The following VWA5A variants were observed in gnomAD, a reference collection of about 807,000 sequenced individuals.
VWA5A encodes the protein von Willebrand factor A domain containing 5A.
A neutral mutation model predicts 84.6 loss-of-function variants in VWA5A; 77 were observed. The ratio of observed to expected loss-of-function variants is 0.91; its 90% CI spans 0.76 to 1.10. VWA5A has a LOEUF of 1.10. Among genes scored for constraint, VWA5A ranks in the 50% least tolerant of loss-of-function variants. The pLI is 0.00. For synonymous variants in VWA5A, 334 were observed against 350.1 expected (o/e 0.95, Z 0.51); for missense variants, 973 against 963.0 (o/e 1.01, Z -0.14).
At position 124,142,455 on chromosome 11, in the gene VWA5A, T is replaced by A. The variant is rs1471496520; in HGVS notation, c.2037T>A (p.Asn679Lys). Residue 679 changes from asparagine to lysine, a missense_variant, in exon 17 of 19, where the codon AAT becomes AAA. Transcript: ENST00000456829. ...KDQHSPGFGE[N>K]HLVQLIYHQN... is the part of the protein sequence containing the mutation. The stretch of plus-strand genomic sequence containing the variant: ...TTCTCCTCAAAGGCTTTGGAGAGAA[T>A]CACCTTGTGCAGCTGATTTACCACC... 1 of 1,614,212 alleles carries A rather than the reference T, an allele frequency of 6.2e-7. No homozygotes were observed. The highest frequency in any genetic ancestry group is 8.5e-7 in the Non-Finnish European group (1 of 1,180,036).
chr11:124,116,792 A>C (rs1178965292), intron 2 of VWA5A, 112 bp downstream of exon 2: 3 of 152,184 alleles, frequency 2.0e-5, no homozygotes, highest in African/African-American at 7.2e-5. Flanking sequence ...AATGTAGGCT[A>C]TGTGCCTATA....
chr11:124,119,010 C>G lies in VWA5A; in HGVS notation c.681C>G (p.Asp227Glu), dbSNP rs140579492. Residue 227 changes from aspartate to glutamate, a missense_variant, in exon 7 of 19, where the codon GAC becomes GAG. Asp to Glu is a conservative substitution (Grantham distance 45, BLOSUM62 2). Transcript: ENST00000456829. ...CTGCTGGACACAAGTTTGATCGGGA[C>G]GTGGAACTCCTGATTTACTACAATG... ...SLAAGHKFDR[D>E]VELLIYYNEV... 6.3e-5 allele frequency: 101 copies of G among 1,614,156 alleles called. No homozygotes were observed. The East Asian group carries it at 2.0e-3, about 32-fold the overall frequency.
chr11:124,117,109 G>A (rs1864843363), intron 2 of VWA5A, among the ~76,000 whole-genome samples: 1 of 152,180 alleles, frequency 6.6e-6, no homozygotes, highest in Admixed American at 6.5e-5. Context: ...ATTCACATAC[G>A]ATGTGTGGAT....
Position 124,134,706 on chromosome 11 carries a change from G to A in VWA5A, c.1245-214G>A, listed in dbSNP as rs1461126438. ...TATCTGCAAAGTGAAGCAGAAGCCT[G>A]CCTTTTAGGGGTCTTGTGATGATTA... On this transcript the variant is annotated intron_variant, in intron 11 of 18. Transcript: ENST00000456829. Among the ~76,000 whole-genome samples, 5 of 152,288 alleles carry A rather than the reference G, an allele frequency of 3.3e-5. No homozygotes were observed. In the East Asian group the frequency reaches 9.6e-4, roughly 29 times the overall value.
At chr11:124,121,957 T>G (rs1372835311) in intron 7 of VWA5A, among the ~76,000 whole-genome samples, 1 of 152,208 alleles carries the variant, frequency 6.6e-6, no homozygotes, top group Non-Finnish European at 1.5e-5. Flanking sequence ...ACATCTGGAT[T>G]GTGTAAATGT....
intron 15 of VWA5A, among the ~76,000 whole-genome samples, chr11:124,140,260 A>G (rs767631540): frequency 1.3e-5 from 2 of 152,160 alleles, no homozygotes; most frequent in Non-Finnish European, 2.9e-5. Flanking sequence ...TTGTTGTTGT[A>G]TCTGGTTTTG....
chr11:124,124,178 T>C, intron 10 of VWA5A, 59 bp from the exon 11 acceptor site: 1 of 1,545,198 alleles, frequency 6.5e-7, no homozygotes, highest in Non-Finnish European at 8.9e-7. Context: ...AAGGGCAAAT[T>C]CTGGTTTCTT....
chr11:124,118,538 T>C lies in VWA5A; in HGVS notation c.475T>C (p.Ser159Pro). Residue 159 changes from serine (S) to proline (P), a missense_variant, in exon 6 of 19, where the codon TCT (serine) becomes CCT (proline). Physicochemically the swap from Ser to Pro is moderately conservative, Grantham distance 74. Coordinates refer to ENST00000456829, the MANE Select transcript of VWA5A (RefSeq NM_001130142.2). ...ACTAAGGTCATCTTTTATAGGGTCG[T>C]CTAAGGACAGTTGCCTTAATGTGAA... The part of the protein sequence containing the change: ...LNPRYQFSGS[S>P]KDSCLNVKTP... The C allele has an allele frequency of 6.2e-7, 1 of 1,614,116 alleles. No homozygotes were observed. Among genetic ancestry groups the C allele is most frequent in the South Asian group, 1.1e-5 (1 of 91,080 alleles).
chr11:124,136,097 T>C, intron 12 of VWA5A, 32 bp from the exon 13 acceptor site: 1 of 1,603,066 alleles, frequency 6.2e-7, no homozygotes, highest in Non-Finnish European at 8.5e-7. Context: ...TCTGTATCAT[T>C]TGTGTTTATT....
In VWA5A at chr11:124,123,784, A is replaced by G. The variant is rs374849640; in HGVS notation, c.1144A>G (p.Ile382Val). The stretch of plus-strand genomic sequence containing the variant: ...CCAGAACATTTACAGGGGACCCTCC[A>G]TCCCAGGCCACCCCCTACAGGTAAG... ...PLQNIYRGPS[I>V]PGHPLQLFVF... The change falls in exon 10 of 19, where the codon ATC (isoleucine) becomes GTC (valine). Residue 382 changes from isoleucine (I) to valine (V), a missense_variant. By Grantham distance (29) the Ile-to-Val change is conservative. Transcript: ENST00000456829. 1.2e-5 allele frequency: 19 copies of G among 1,585,790 alleles called. No homozygotes were observed. The highest frequency in any genetic ancestry group is 1.6e-5 in the Non-Finnish European group (19 of 1,169,014).
chr11:124,120,912 T>A (rs976385870), intron 7 of VWA5A, among the ~76,000 whole-genome samples: 6 of 152,204 alleles, frequency 3.9e-5, no homozygotes, highest in Non-Finnish European at 8.8e-5. Flanking sequence ...CTGGCCCCTA[T>A]GCAGATTTTC....
At chr11:124,145,201 TC>T in intron 17 of VWA5A, 35 bp from the exon 18 acceptor site, 1 of 1,584,588 alleles carries the variant, frequency 6.3e-7, no homozygotes, top group Non-Finnish European at 8.6e-7. Context: ...TTGAGGGACT[TC>T]CTGTGCCAAC....
chr11:124,124,133 A>G (rs1864980166), intron 10 of VWA5A, 104 bp from the exon 11 acceptor site: 9 of 1,099,582 alleles, frequency 8.2e-6, no homozygotes, highest in East Asian at 2.5e-5. Context: ...TTGAAGAGGC[A>G]CCAGAGCCTC....
rs1194733291 is a variant in VWA5A at position 124,125,744 on chromosome 11, A to G, written c.1244+1428A>G. Among the ~76,000 whole-genome samples the G allele has an allele frequency of 2.0e-5, 3 of 152,352 alleles. No individual in the cohort carries two copies. The East Asian group carries it at 5.8e-4, about 29-fold the overall frequency. On this transcript the variant is annotated intron_variant, in intron 11 of 18. Transcript: ENST00000456829. The stretch of plus-strand genomic sequence containing the variant: ...GATTGATTTTCTTATTGATCTATAT[A>G]GTTCATTCTGTAGTCTGGATACAAG...
intron 11 of VWA5A, among the ~76,000 whole-genome samples, chr11:124,125,344 G>A (rs180799864): frequency 1.3e-3 from 195 of 151,236 alleles, no homozygotes; most frequent in Non-Finnish European, 2.3e-3. Flanking sequence ...CTGCAGTGGC[G>A]CTATCTCGGC....
rs1864955646 is a variant in VWA5A, at chr11:124,123,031, A to G, written c.832A>G (p.Thr278Ala). The G allele has an allele frequency of 3.1e-6, 5 of 1,614,172 alleles. No individual in the cohort carries two copies. The highest frequency in any genetic ancestry group is 4.2e-6 in the Non-Finnish European group (5 of 1,180,030). ...PNIPEDQPSN[T>A]CGEFIFLMDR... is the part of the protein sequence containing the mutation. ...TATCCCAGAAGATCAACCATCAAATACCTGTGGAGAGTTTATCTTTCTCAT... is the reference window on the plus strand; with the variant it reads ...TATCCCAGAAGATCAACCATCAAATGCCTGTGGAGAGTTTATCTTTCTCAT... Residue 278 changes from threonine (T) to alanine (A), a missense_variant, in exon 8 of 19, where the codon ACC becomes GCC. Transcript: ENST00000456829.
chr11:124,121,962 A>T (rs1400332387), intron 7 of VWA5A, among the ~76,000 whole-genome samples: 3 of 152,214 alleles, frequency 2.0e-5, no homozygotes, highest in African/African-American at 7.2e-5. Flanking sequence ...TGGATTGTGT[A>T]AATGTTATTT....
intron 1 of VWA5A, chr11:124,116,234 C>G (rs1348581662): frequency 6.6e-6 from 1 of 152,326 alleles, no homozygotes; most frequent in African/African-American, 2.4e-5. Flanking sequence ...CAGTCTCTAC[C>G]TAAGCCTTGC....
chr11:124,123,628 C>G, intron 9 of VWA5A, 32 bp from the exon 10 acceptor site: 1 of 1,614,070 alleles, frequency 6.2e-7, no homozygotes, highest in Non-Finnish European at 8.5e-7. Flanking sequence ...TTAAGTAACC[C>G]TCATGTAACT....
Sources: gnomAD v4.1 joint callset for allele counts (sites outside exome capture counted in the v4.1 genomes callset) on GRCh38, gnomAD v4.1.1 for gene constraint, MANE v1.5 for transcripts, NCBI Gene and HGNC (gene_info 2026-07-23, HGNC 2026-07-21) for gene names.